The following SNX24 variants were observed in gnomAD, a reference collection of about 807,000 sequenced individuals.
SNX24 encodes sorting nexin 24.
SNX24 carries 22 observed loss-of-function variants against 28.7 expected under a neutral mutation model. The observed-to-expected ratio is 0.77, with a 90% confidence interval of 0.55 to 1.10. The LOEUF (loss-of-function observed/expected upper bound fraction) is 1.10, where lower values mean the gene tolerates loss of function less well. Among genes scored for constraint, SNX24 ranks in the 50% least tolerant of loss-of-function variants. The pLI is 0.00. For synonymous variants in SNX24, 69 were observed against 71.5 expected (o/e 0.96, Z 0.18); for missense variants, 221 against 201.1 (o/e 1.10, Z -0.60).
chr5:123,008,015 G>A lies in SNX24; in HGVS notation c.*266G>A. Reference sequence around the variant, plus strand: ...CCAGCGTAGAAACCCATGAAAAGGAGGCCACAGGAGATTCCTGGGAGCACT... The same window carrying A: ...CCAGCGTAGAAACCCATGAAAAGGAAGCCACAGGAGATTCCTGGGAGCACT... On this transcript the variant is annotated 3_prime_UTR_variant, in exon 7 of 7. Transcript: ENST00000261369. 2 of 1,129,798 alleles carry A rather than the reference G, an allele frequency of 1.8e-6. No homozygotes were observed. The highest frequency in any genetic ancestry group is 2.2e-6 in the Non-Finnish European group (2 of 921,092). 70.0% of individuals were successfully genotyped at this position (1,129,798 alleles called of 1,614,324 possible).
At chr5:122,932,813 T>C (rs1204009312) in intron 1 of SNX24, among the ~76,000 whole-genome samples, 1 of 134,314 alleles carries the variant, frequency 7.4e-6, no homozygotes, top group Non-Finnish European at 1.5e-5. Context: ...GAGCCAAGAT[T>C]GCACCACTGC....
intron 3 of SNX24, among the ~76,000 whole-genome samples, chr5:122,966,106 A>G (rs1760702657): frequency 6.6e-6 from 1 of 152,236 alleles, no homozygotes; most frequent in Non-Finnish European, 1.5e-5. Context: ...ATCTACAGTT[A>G]TATAAGAAGG....
intron 3 of SNX24, among the ~76,000 whole-genome samples, chr5:122,965,236 A>G (rs149045172): frequency 6.6e-6 from 1 of 152,338 alleles, no homozygotes; most frequent in Non-Finnish European, 1.5e-5. Flanking sequence ...TGTTCCAACA[A>G]CAAGGGAATT....
chr5:122,924,480 C>G (rs929926567), intron 1 of SNX24, among the ~76,000 whole-genome samples: 2 of 152,048 alleles, frequency 1.3e-5, no homozygotes, highest in Admixed American at 6.5e-5. Flanking sequence ...GGCAAGACAC[C>G]GTGGGACAGT....
At chr5:122,877,127 A>G (rs246271) in intron 1 of SNX24, among the ~76,000 whole-genome samples, 118,038 of 151,856 alleles carry the variant, frequency 0.78, 46,914 homozygotes, top group East Asian at 0.99. Flanking sequence ...AGAGGAGGGC[A>G]CATTCTGGTA....
chr5:122,861,593 G>A, intron 1 of SNX24, among the ~76,000 whole-genome samples: 1 of 152,084 alleles, frequency 6.6e-6, no homozygotes, highest in East Asian at 1.9e-4. Context: ...AGAAGGAGCA[G>A]AAAACCTTCC....
chr5:122,918,391 G>C (rs1188972750), intron 1 of SNX24, among the ~76,000 whole-genome samples: 1 of 152,166 alleles, frequency 6.6e-6, no homozygotes, highest in East Asian at 1.9e-4. Context: ...TATATAATTT[G>C]GATGACTACC....
At chr5:122,881,412 G>A (rs1756475348) in intron 1 of SNX24, among the ~76,000 whole-genome samples, 1 of 152,124 alleles carries the variant, frequency 6.6e-6, no homozygotes. Context: ...ATGTGGTATG[G>A]ATCAGCAGCA....
At chr5:122,984,761 G>A (rs1401238456) in intron 3 of SNX24, among the ~76,000 whole-genome samples, 1 of 152,166 alleles carries the variant, frequency 6.6e-6, no homozygotes, top group African/African-American at 2.4e-5. Context: ...AAATGAAGAC[G>A]TAGTGGACTG....
At chr5:122,981,812 G>A (rs1761406446) in intron 3 of SNX24, among the ~76,000 whole-genome samples, 1 of 152,142 alleles carries the variant, frequency 6.6e-6, no homozygotes, top group Non-Finnish European at 1.5e-5. Flanking sequence ...CAAGTAGCTG[G>A]GATTAAAAGT....
intron 1 of SNX24, chr5:122,853,765 G>T: frequency 3.1e-6 from 1 of 324,842 alleles, no homozygotes; most frequent in Non-Finnish European, 6.3e-6. Flanking sequence ...TGGCATTACA[G>T]CCGTAAGCCA....
intron 1 of SNX24, among the ~76,000 whole-genome samples, chr5:122,869,298 T>G (rs1220225013): frequency 6.6e-6 from 1 of 152,228 alleles, no homozygotes; most frequent in Non-Finnish European, 1.5e-5. Context: ...CAATTTAACT[T>G]CCAAATGACA....
At chr5:123,001,328 AT>A in intron 4 of SNX24, 76 bp from the exon 5 acceptor site, 2 of 960,544 alleles carry the variant, frequency 2.1e-6, no homozygotes, top group Non-Finnish European at 3.3e-6. Flanking sequence ...AATATTGGGT[AT>A]TTTTTCCTTT....
At chr5:122,981,885 T>C (rs1285837915) in intron 3 of SNX24, among the ~76,000 whole-genome samples, 1 of 152,240 alleles carries the variant, frequency 6.6e-6, no homozygotes, top group Non-Finnish European at 1.5e-5. Context: ...ATTTCAGGTT[T>C]GGAAGGTGGC....
In SNX24 at chr5:122,917,119, T is replaced by C. The variant is rs147615132; in HGVS notation, c.61-19615T>C. ...CCGTCTCTACTAAAAATACAAAAAT[T>C]AGCCGGGTGTGTTGGCGTGCACCTG... On this transcript the variant is annotated intron_variant, in intron 1 of 6. Transcript: ENST00000261369. Among the ~76,000 whole-genome samples the C allele has an allele frequency of 3.4e-3, 511 of 151,948 alleles. 4 individuals carry two copies. The highest frequency in any genetic ancestry group is 0.012 in the African/African-American group (487 of 41,420).
chr5:122,927,526 C>A (rs145571433), intron 1 of SNX24, among the ~76,000 whole-genome samples: 70 of 152,236 alleles, frequency 4.6e-4, no homozygotes, highest in African/African-American at 1.5e-3. Flanking sequence ...CTGGATTCAA[C>A]ATCTTAGGGA....
chr5:122,857,155 G>C (rs1755232372), intron 1 of SNX24, among the ~76,000 whole-genome samples: 1 of 151,856 alleles, frequency 6.6e-6, no homozygotes, highest in South Asian at 2.1e-4. Flanking sequence ...GAGATTACAG[G>C]TGCACACCAC....
At chr5:123,007,464 G>A (rs909530936) in intron 6 of SNX24, among the ~76,000 whole-genome samples, 4 of 152,264 alleles carry the variant, frequency 2.6e-5, no homozygotes, top group African/African-American at 4.8e-5. Flanking sequence ...AAATCTGGCC[G>A]CACATTCCTG....
At chr5:122,873,760 CTTTTTTTTTTTT>C (rs909560379) in intron 1 of SNX24, among the ~76,000 whole-genome samples, 19 of 120,648 alleles carry the variant, frequency 1.6e-4, no homozygotes, top group South Asian at 5.5e-4. Context: ...CAAAGGGAAT[CTTTTTTTTTTTT>C]TTTTTTTTTT....
Sources: allele counts gnomAD v4.1 joint callset (sites outside exome capture counted in the v4.1 genomes callset), GRCh38; gene constraint gnomAD v4.1.1; transcripts MANE v1.5; gene names NCBI Gene and HGNC (gene_info 2026-07-23, HGNC 2026-07-21).